Variants in SRGAP3 observed in about 807,000 individuals in gnomAD.
The protein encoded by SRGAP3 is SLIT-ROBO Rho GTPase activating protein 3.
A neutral mutation model predicts 121.1 loss-of-function variants in SRGAP3; 39 were observed. The observed-to-expected ratio is 0.32, with a 90% CI of 0.25 to 0.42. The LOEUF is 0.42. SRGAP3 is among the 10% of genes least tolerant of loss of function. The pLI is 1.00. For missense variants in SRGAP3, 1,213 were observed against 1,470.6 expected, an observed-to-expected ratio of 0.82 and a Z score of 2.86; for synonymous variants, 601 against 570.0, an observed-to-expected ratio of 1.05 and a Z score of -0.77.
Position 9,164,890 on chromosome 3 carries a change from G to A in SRGAP3, c.68-39973C>T, listed in dbSNP as rs536459000. 3.3e-5 allele frequency among the ~76,000 whole-genome samples: 5 copies of A among 152,330 alleles called. No homozygotes were observed. In the South Asian group the frequency reaches 8.3e-4, roughly 25 times the overall value. On this transcript the variant is annotated intron_variant, in intron 1 of 21. Coordinates refer to ENST00000383836, the MANE Select transcript of SRGAP3 (RefSeq NM_014850.4). ...CAGATAAGAAAACAGGTAAAGTCAT[G>A]CTTGGTAAATAAGCCAGTAGGAAGG...
intron 2 of SRGAP3, among the ~76,000 whole-genome samples, chr3:9,107,273 C>T (rs1948451436): frequency 6.6e-6 from 1 of 152,204 alleles, no homozygotes; most frequent in African/African-American, 2.4e-5. Context: ...GATGCACACT[C>T]TGCCTTGGAG....
chr3:9,025,046 T>C (rs1429017105), intron 14 of SRGAP3, among the ~76,000 whole-genome samples: 1 of 152,182 alleles, frequency 6.6e-6, no homozygotes, highest in Non-Finnish European at 1.5e-5. Context: ...TAGAACTTAG[T>C]GTTAGCCAAT....
Position 8,985,462 on chromosome 3 carries a change from C to T in SRGAP3, c.*57G>A. On this transcript the variant is annotated 3_prime_UTR_variant, in exon 22 of 22. Transcript: ENST00000383836. This position sits in a 1 kb window ranked among gnomAD's most constrained non-coding sequence, Gnocchi z 5.1. The stretch of plus-strand genomic sequence containing the variant: ...GGGAAGCACGTGGAAGCCACCAAGG[C>T]CACCCTGGGCCGTGGTGAGCCACAG... 2 of 1,591,014 alleles carry T rather than the reference C, an allele frequency of 1.3e-6. No individual in the cohort carries two copies. Among genetic ancestry groups the T allele is most frequent in the Admixed American group, 1.7e-5 (1 of 59,212 alleles).
chr3:9,287,742 C>A (rs901625192), intron 3 of SRGAP3, among the ~76,000 whole-genome samples: 2 of 152,152 alleles, frequency 1.3e-5, no homozygotes, highest in Non-Finnish European at 2.9e-5. Context: ...GCACTTGTAC[C>A]CCCTAAATAC....
At chr3:9,134,780 T>C (rs1949582667) in intron 1 of SRGAP3, among the ~76,000 whole-genome samples, 1 of 152,186 alleles carries the variant, frequency 6.6e-6, no homozygotes. Flanking sequence ...GCTGTCATTA[T>C]ATGCATCCCA....
intron 3 of SRGAP3, among the ~76,000 whole-genome samples, chr3:9,254,933 GAAAA>G (rs976173305): frequency 2.3e-5 from 3 of 132,136 alleles, no homozygotes; most frequent in Non-Finnish European, 5.0e-5. Context: ...GAGAGAGAAA[GAAAA>G]AGAAAGAAAG....
chr3:9,049,381 C>T, intron 9 of SRGAP3: 1 of 456,064 alleles, frequency 2.2e-6, no homozygotes, highest in Non-Finnish European at 4.4e-6. Flanking sequence ...GACTTGTATC[C>T]ACAGAGCACT....
chr3:9,290,278 G>A (rs752142657), intron 3 of SRGAP3, among the ~76,000 whole-genome samples: 2 of 151,966 alleles, frequency 1.3e-5, no homozygotes, highest in Non-Finnish European at 2.9e-5. Context: ...AGAATTTTTA[G>A]TTGTTTACAA....
chr3:9,113,686 T>C (rs1948708635), intron 2 of SRGAP3, among the ~76,000 whole-genome samples: 1 of 152,046 alleles, frequency 6.6e-6, no homozygotes, highest in Non-Finnish European at 1.5e-5. Flanking sequence ...CAGGTGGAGA[T>C]AACTGAATCA....
At chr3:9,061,321 T>C (rs149837638) in intron 5 of SRGAP3, among the ~76,000 whole-genome samples, 76 of 152,260 alleles carry the variant, frequency 5.0e-4, no homozygotes, top group African/African-American at 1.6e-3. Flanking sequence ...CATGGCCTTG[T>C]CCCATCCACT....
chr3:9,031,344 C>T (rs1026516124), intron 12 of SRGAP3, among the ~76,000 whole-genome samples: 3 of 152,172 alleles, frequency 2.0e-5, no homozygotes, highest in Non-Finnish European at 4.4e-5. Flanking sequence ...TCCTTTGGTA[C>T]AGCCCTGCCC....
chr3:9,221,820 TTAG>T (rs1952825105), intron 1 of SRGAP3, among the ~76,000 whole-genome samples: 1 of 152,240 alleles, frequency 6.6e-6, no homozygotes, highest in Non-Finnish European at 1.5e-5. Flanking sequence ...GGCGCCTTAT[TTAG>T]TATCTTTTCC....
rs72624412 is a variant in SRGAP3, at chr3:9,298,646, T to A, written n.442+27364A>T. On this transcript the variant is annotated intron_variant and non_coding_transcript_variant, in intron 3 of 3. Transcript: ENST00000490889. ...GTCCTGGGACTTTCAGGTTTAGGCA[T>A]TAAGAAGGCCTGGCAGCTTGAGCCA... 0.036 allele frequency among the ~76,000 whole-genome samples: 5,478 copies of A among 152,232 alleles called. 587 individuals carry two copies. The East Asian group carries it at 0.43, about 12-fold the overall frequency.
intron 14 of SRGAP3, among the ~76,000 whole-genome samples, chr3:9,023,092 A>G (rs1293392336): frequency 1.3e-5 from 2 of 152,066 alleles, no homozygotes; most frequent in East Asian, 3.9e-4. Flanking sequence ...TTACATACAG[A>G]ATATGGAGAG....
intron 21 of SRGAP3, among the ~76,000 whole-genome samples, chr3:8,990,307 T>C (rs1245191155): frequency 6.6e-6 from 1 of 152,206 alleles, no homozygotes; most frequent in Non-Finnish European, 1.5e-5. Flanking sequence ...TCAGCCTCTA[T>C]CGGAACCCTA....
rs1400154689 is a variant in SRGAP3, at chr3:8,994,324, A to G, written c.2408+19T>C. On this transcript the variant is annotated intron_variant, in intron 19 of 21. Coordinates refer to ENST00000383836, the MANE Select transcript of SRGAP3 (RefSeq NM_014850.4). The stretch of plus-strand genomic sequence containing the variant: ...TAATCTATTTCGGCATTCTTCACAG[A>G]ATTCTCGACTCCACTCACATGTCCT... 1 of 1,613,732 alleles carries G rather than the reference A, an allele frequency of 6.2e-7. No homozygotes were observed. Among genetic ancestry groups the G allele is most frequent in the East Asian group, 2.2e-5 (1 of 44,878 alleles).
chr3:9,018,302 G>C (rs1470989445), intron 14 of SRGAP3, among the ~76,000 whole-genome samples: 1 of 152,154 alleles, frequency 6.6e-6, no homozygotes, highest in Non-Finnish European at 1.5e-5. Context: ...TGTGAATAGT[G>C]CTGCAGTAAA....
intron 1 of SRGAP3, among the ~76,000 whole-genome samples, chr3:9,344,990 T>C (rs1955858389): frequency 6.6e-6 from 1 of 152,010 alleles, no homozygotes; most frequent in African/African-American, 2.4e-5. Flanking sequence ...TGAGCTGAGA[T>C]TGCACCACTG....
chr3:9,225,160 C>A (rs1004058670), intron 1 of SRGAP3, among the ~76,000 whole-genome samples: 2 of 152,138 alleles, frequency 1.3e-5, no homozygotes, highest in African/African-American at 2.4e-5. Context: ...GAGTGAGGGG[C>A]CTTTGGAGAG....
Sources: gnomAD v4.1 joint callset for allele counts (sites outside exome capture counted in the v4.1 genomes callset) on GRCh38, gnomAD v4.1.1 for gene constraint, Gnocchi (gnomAD v3.1) non-coding constraint, MANE v1.5 for transcripts, NCBI Gene and HGNC (gene_info 2026-07-23, HGNC 2026-07-21) for gene names.